Variants in SCAPER observed in about 807,000 individuals in gnomAD.
SCAPER encodes S phase cyclin A-associated protein in the endoplasmic reticulum.
In SCAPER, 98 loss-of-function variants were observed where a neutral mutation model predicts 182.2. The observed-to-expected ratio is 0.54, with a 90% CI of 0.46 to 0.64. SCAPER has a LOEUF of 0.64. Ranked by LOEUF, SCAPER falls within the 30% of genes least tolerant of loss-of-function variation. SCAPER has a pLI of 0.00. For missense variants in SCAPER, 1,432 were observed against 1,690.0 expected (o/e 0.85, Z 2.68); for synonymous variants, 605 against 564.6 (o/e 1.07, Z -1.01).
chr15:76,756,893 T>C (rs571980410), intron 14 of SCAPER, among the ~76,000 whole-genome samples: 3 of 152,340 alleles, frequency 2.0e-5, no homozygotes, highest in Admixed American at 2.0e-4. Flanking sequence ...TATTATATGA[T>C]AAAATCAAGA....
intron 17 of SCAPER, among the ~76,000 whole-genome samples, chr15:76,716,771 G>C (rs1228831402): frequency 1.3e-5 from 2 of 151,798 alleles, no homozygotes; most frequent in African/African-American, 2.4e-5. Context: ...AGAATGAAGA[G>C]AGCCTATGGG....
At chr15:76,574,346 C>T (rs2047666799) in intron 22 of SCAPER, 62 bp from the exon 23 acceptor site, 1 of 1,541,372 alleles carries the variant, frequency 6.5e-7, no homozygotes, top group African/African-American at 1.4e-5. Context: ...CTTCATTTCC[C>T]AAAACACTTT....
rs2142283415 is a variant in SCAPER, at chr15:76,416,884, C to T, written c.3312-12205G>A. Among the ~76,000 whole-genome samples the T allele has an allele frequency of 1.3e-5, 2 of 152,184 alleles. 1 individual carries two copies. Among genetic ancestry groups the T allele is most frequent in the South Asian group, 4.1e-4 (2 of 4,820 alleles). On this transcript the variant is annotated intron_variant, in intron 26 of 31. Transcript: ENST00000563290. ...GTAGAAATTAATTTGCAAGTTTCTACTGACTTGAAAAAGTGAATTAAAAAA... is the reference window on the plus strand; with the variant it reads ...GTAGAAATTAATTTGCAAGTTTCTATTGACTTGAAAAAGTGAATTAAAAAA...
chr15:76,878,262 A>C (rs1056058538), intron 2 of SCAPER, among the ~76,000 whole-genome samples: 4 of 152,208 alleles, frequency 2.6e-5, no homozygotes, highest in Non-Finnish European at 5.9e-5. Context: ...CATACACACA[A>C]AGAGAGAAAG....
At chr15:76,726,136 T>C (rs2060576622) in intron 17 of SCAPER, among the ~76,000 whole-genome samples, 1 of 121,718 alleles carries the variant, frequency 8.2e-6, no homozygotes, top group African/African-American at 3.1e-5. Context: ...TATATATATA[T>C]ATATATATAT....
intron 2 of SCAPER, among the ~76,000 whole-genome samples, chr15:76,868,322 G>C (rs2072440718): frequency 6.6e-6 from 1 of 152,086 alleles, no homozygotes; most frequent in African/African-American, 2.4e-5. Flanking sequence ...CAGCCTGGGA[G>C]CTCAAGGCTG....
chr15:76,715,138 T>C (rs1022141667), intron 17 of SCAPER, among the ~76,000 whole-genome samples: 2 of 151,994 alleles, frequency 1.3e-5, no homozygotes, highest in African/African-American at 4.8e-5. Context: ...ACCTCAGGCC[T>C]CTGGCACACA....
At chr15:76,436,611 A>G (rs1464354840) in intron 25 of SCAPER, among the ~76,000 whole-genome samples, 2 of 151,582 alleles carry the variant, frequency 1.3e-5, no homozygotes, top group Non-Finnish European at 1.5e-5. Flanking sequence ...GTGAAATTAT[A>G]CTTTTTAAAA....
Position 76,702,872 on chromosome 15 carries a change from T to C in SCAPER, c.2378A>G (p.Gln793Arg). Reference sequence around the variant, plus strand: ...TACCAGGACATTGCAGAGAGAACACTGCTTCTTTCTTTCATAAGGGGTCAG... The same window carrying C: ...TACCAGGACATTGCAGAGAGAACACCGCTTCTTTCTTTCATAAGGGGTCAG... ...PKLTPYERKK[Q>R]CSLCNVLISS... The change falls in exon 19 of 32, where the codon CAG becomes CGG. Residue 793 changes from glutamine (Q) to arginine (R), a missense_variant. Around this residue, in one of 5 missense-constraint regions of SCAPER, gnomAD observed 718 missense variants for 799.7 expected, o/e 0.90. Coordinates refer to ENST00000563290, the MANE Select transcript of SCAPER (RefSeq NM_020843.4). 6.2e-7 allele frequency: 1 copy of C among 1,608,722 alleles called. No individual in the cohort carries two copies. The highest frequency in any genetic ancestry group is 1.1e-5 in the South Asian group (1 of 89,348).
Position 76,409,954 on chromosome 15 carries a change from AT to A in SCAPER, c.3312-5276del, listed in dbSNP as rs534239321. Among the ~76,000 whole-genome samples, 758 of 136,990 alleles carry A rather than the reference AT, an allele frequency of 5.5e-3. 3 individuals carry two copies. The highest frequency in any genetic ancestry group is 7.0e-3 in the Admixed American group (96 of 13,684). The allele number at this position is 136,990 out of a possible 152,430, so 89.9% of individuals were successfully genotyped here. A position where few individuals can be genotyped will look rare whatever the true frequency, so the allele number is the denominator to read the frequency against. On this transcript the variant is annotated intron_variant, in intron 26 of 31. Transcript: ENST00000563290. ...AGGTGCATGCCATCAGGCCTGGCTA[AT>A]TTTTTTTTTTTTTTTTTGGTAGAGA...
intron 23 of SCAPER, among the ~76,000 whole-genome samples, chr15:76,515,017 G>C (rs1222436199): frequency 6.6e-6 from 1 of 152,194 alleles, no homozygotes; most frequent in Non-Finnish European, 1.5e-5. Flanking sequence ...ATAGTACTAG[G>C]TTTTGGGGTC....
At chr15:76,754,244 A>C (rs1261047810) in intron 14 of SCAPER, among the ~76,000 whole-genome samples, 1 of 152,100 alleles carries the variant, frequency 6.6e-6, no homozygotes, top group Non-Finnish European at 1.5e-5. Context: ...TTGAAGGTTC[A>C]TAAAACTCTC....
In SCAPER at chr15:76,584,920, T is replaced by G. The variant is rs896126412; in HGVS notation, c.2712-10636A>C. On this transcript the variant is annotated intron_variant, in intron 22 of 31. Transcript: ENST00000563290. Reference sequence around the variant, plus strand: ...CCAGAATACAATTTCATCTAAAAATTTATGTAAACGTTAAAATTTTTCAAA... The same window carrying G: ...CCAGAATACAATTTCATCTAAAAATGTATGTAAACGTTAAAATTTTTCAAA... Among the ~76,000 whole-genome samples, 3 of 152,226 alleles carry G rather than the reference T, an allele frequency of 2.0e-5. No homozygotes were observed. In the East Asian group the frequency reaches 5.8e-4, roughly 29 times the overall value.
At chr15:76,878,119 A>C (rs967179812) in intron 2 of SCAPER, among the ~76,000 whole-genome samples, 1 of 152,204 alleles carries the variant, frequency 6.6e-6, no homozygotes, top group Non-Finnish European at 1.5e-5. Flanking sequence ...CATACACACA[A>C]AGAGAGAAAG....
intron 30 of SCAPER, 60 bp from the exon 31 acceptor site, chr15:76,351,348 G>C (rs544813859): frequency 5.4e-6 from 8 of 1,475,364 alleles, no homozygotes; most frequent in Non-Finnish European, 7.4e-6. Context: ...TTTCACTAAG[G>C]GTGGCTTTAA....
chr15:76,441,660 T>C (rs1244536721), intron 25 of SCAPER, among the ~76,000 whole-genome samples: 2 of 152,190 alleles, frequency 1.3e-5, no homozygotes, highest in South Asian at 2.1e-4. Flanking sequence ...CTCCACTTCT[T>C]CTAGGTCTCT....
At chr15:76,638,676 A>C (rs925362402) in intron 21 of SCAPER, among the ~76,000 whole-genome samples, 2 of 152,216 alleles carry the variant, frequency 1.3e-5, no homozygotes, top group African/African-American at 4.8e-5. Context: ...ATAGTCAACC[A>C]ATCTTATGTT....
intron 23 of SCAPER, among the ~76,000 whole-genome samples, chr15:76,550,876 T>C (rs970161693): frequency 6.6e-6 from 1 of 152,158 alleles, no homozygotes; most frequent in Non-Finnish European, 1.5e-5. Flanking sequence ...GACTTTTTAA[T>C]AATCGCCATT....
At chr15:76,564,453 C>T (rs1417900197) in intron 23 of SCAPER, among the ~76,000 whole-genome samples, 1 of 152,058 alleles carries the variant, frequency 6.6e-6, no homozygotes, top group African/African-American at 2.4e-5. Flanking sequence ...ATACAGTCAA[C>T]TAGGGAGGTA....
Sources: allele counts gnomAD v4.1 joint callset (sites outside exome capture counted in the v4.1 genomes callset), GRCh38; gene constraint gnomAD v4.1.1; regional missense constraint gnomAD v4.1.1; transcripts MANE v1.5; gene names NCBI Gene and HGNC (gene_info 2026-07-23, HGNC 2026-07-21).